Variants in KCNJ6 observed in about 807,000 individuals in gnomAD.
KCNJ6 encodes G protein-activated inward rectifier potassium channel 2.
KCNJ6 carries 9 observed loss-of-function variants against 34.2 expected under a neutral mutation model. The ratio of observed to expected loss-of-function variants is 0.26; its 90% CI spans 0.16 to 0.46. The LOEUF (loss-of-function observed/expected upper bound fraction) is 0.46, where lower values mean the gene tolerates loss of function less well. Ranked by LOEUF, KCNJ6 falls within the 20% of genes least tolerant of loss-of-function variation. KCNJ6 has a pLI of 1.00. For missense variants in KCNJ6, 236 were observed against 531.3 expected (o/e 0.44, Z 5.46); for synonymous variants, 196 against 207.1 (o/e 0.95, Z 0.46).
chr21:37,616,997 TTC>T lies in KCNJ6; in HGVS notation c.*8160_*8161del, dbSNP rs1367426687. 8.2e-6 allele frequency: 1 copy of T among 121,692 alleles called. No individual in the cohort carries two copies. The highest frequency in any genetic ancestry group is 2.9e-4 in the South Asian group (1 of 3,442). The allele number at this position is 121,692 out of a possible 1,614,324, so 7.5% of individuals were successfully genotyped here. On this transcript the variant is annotated 3_prime_UTR_variant, in exon 4 of 4. Coordinates refer to ENST00000609713, the MANE Select transcript of KCNJ6 (RefSeq NM_002240.5). ...TGCGATTTCTTTTCTCTTTCTTTCT[TTC>T]TCTTTCTTTTCTCTTTCTTTCTTTC... is the stretch of plus-strand genomic sequence containing the variant.
At chr21:37,773,874 G>A (rs888077001) in intron 2 of KCNJ6, among the ~76,000 whole-genome samples, 1 of 152,188 alleles carries the variant, frequency 6.6e-6, no homozygotes, top group East Asian at 1.9e-4. Flanking sequence ...CCAGGTGCAC[G>A]GCCAGTCCCC....
intron 2 of KCNJ6, among the ~76,000 whole-genome samples, chr21:37,838,322 T>G (rs943928168): frequency 2.6e-5 from 4 of 152,212 alleles, no homozygotes; most frequent in Non-Finnish European, 5.9e-5. Flanking sequence ...TAAAAATAGC[T>G]TTATCAGAAA....
At chr21:37,809,513 C>G (rs1366536365) in intron 2 of KCNJ6, among the ~76,000 whole-genome samples, 2 of 151,746 alleles carry the variant, frequency 1.3e-5, no homozygotes, top group African/African-American at 2.4e-5. Context: ...TACCCTAAAA[C>G]TTAAAGTATA....
Position 37,620,605 on chromosome 21 carries a change from A to C in KCNJ6, c.*4554T>G, listed in dbSNP as rs1307966150. On this transcript the variant is annotated 3_prime_UTR_variant, in exon 4 of 4. Coordinates refer to ENST00000609713, the MANE Select transcript of KCNJ6 (RefSeq NM_002240.5). ...TTGTAGTAAAAATAGCCCACAGCTT[A>C]GGGCCCTGTGACCTGGATTTGAGAC... 1 of 151,888 alleles carries C rather than the reference A, an allele frequency of 6.6e-6. No individual in the cohort carries two copies. The highest frequency in any genetic ancestry group is 1.5e-5 in the Non-Finnish European group (1 of 67,988). 9.4% of individuals were successfully genotyped at this position (151,888 alleles called of 1,614,324 possible).
intron 3 of KCNJ6, among the ~76,000 whole-genome samples, chr21:37,639,957 A>G (rs1289295786): frequency 6.6e-6 from 1 of 152,198 alleles, no homozygotes; most frequent in African/African-American, 2.4e-5. Flanking sequence ...TGATGCTATC[A>G]TGCTTCCTGT....
intron 1 of KCNJ6, among the ~76,000 whole-genome samples, chr21:37,876,769 C>A (rs527727141): frequency 6.6e-6 from 1 of 152,092 alleles, no homozygotes; most frequent in African/African-American, 2.4e-5. Flanking sequence ...AACAATTGGA[C>A]AAGTTGGCCA....
intron 1 of KCNJ6, among the ~76,000 whole-genome samples, chr21:37,913,339 C>CGACTG (rs2055875991): frequency 6.6e-6 from 1 of 152,188 alleles, no homozygotes; most frequent in Non-Finnish European, 1.5e-5. Context: ...CGGTTTCCTA[C>CGACTG]GACTGCAACC....
At chr21:37,791,828 G>A (rs1236211894) in intron 2 of KCNJ6, among the ~76,000 whole-genome samples, 2 of 151,966 alleles carry the variant, frequency 1.3e-5, no homozygotes, top group African/African-American at 4.8e-5. Flanking sequence ...ATAGTTTCAG[G>A]GCACATGTGA....
At chr21:37,845,305 T>C (rs545115821) in intron 1 of KCNJ6, among the ~76,000 whole-genome samples, 1 of 152,338 alleles carries the variant, frequency 6.6e-6, no homozygotes, top group African/African-American at 2.4e-5. Flanking sequence ...ATCATACTTG[T>C]TGGGAGAAAA....
chr21:37,807,601 C>T (rs763001686), intron 2 of KCNJ6, among the ~76,000 whole-genome samples: 6 of 152,190 alleles, frequency 3.9e-5, no homozygotes, highest in Non-Finnish European at 8.8e-5. Flanking sequence ...CAATTTCCTA[C>T]AGTAGTTAGC....
chr21:37,619,458 C>A lies in KCNJ6; in HGVS notation c.*5701G>T, dbSNP rs539070728. On this transcript the variant is annotated 3_prime_UTR_variant, in exon 4 of 4. Coordinates refer to ENST00000609713, the MANE Select transcript of KCNJ6 (RefSeq NM_002240.5). Reference sequence around the variant, plus strand: ...TCTCCCTGAGCTCTTTTCAAAGGACCTTTTGGTTTTCCATAAGAAGCATTT... The same window carrying A: ...TCTCCCTGAGCTCTTTTCAAAGGACATTTTGGTTTTCCATAAGAAGCATTT... 2 of 152,250 alleles carry A rather than the reference C, an allele frequency of 1.3e-5. No homozygotes were observed. The highest frequency in any genetic ancestry group is 4.8e-5 in the African/African-American group (2 of 41,554). 9.4% of individuals were successfully genotyped at this position (152,250 alleles called of 1,614,324 possible).
chr21:37,876,265 C>T (rs1038617225), intron 1 of KCNJ6, among the ~76,000 whole-genome samples: 4 of 152,120 alleles, frequency 2.6e-5, no homozygotes, highest in African/African-American at 9.7e-5. Context: ...GGGACAGACA[C>T]CCATAATATT....
chr21:37,799,497 T>C (rs1273146262), intron 2 of KCNJ6, among the ~76,000 whole-genome samples: 2 of 152,118 alleles, frequency 1.3e-5, no homozygotes, highest in South Asian at 2.1e-4. Flanking sequence ...TTGAGCAAAG[T>C]GAGTCTCCTC....
At chr21:37,773,940 T>C (rs1260987727) in intron 2 of KCNJ6, among the ~76,000 whole-genome samples, 1 of 152,184 alleles carries the variant, frequency 6.6e-6, no homozygotes, top group Non-Finnish European at 1.5e-5. Flanking sequence ...TGACCCCGTA[T>C]TTCCTCTGGG....
chr21:37,854,122 C>T (rs2055552598), intron 1 of KCNJ6, among the ~76,000 whole-genome samples: 1 of 150,960 alleles, frequency 6.6e-6, no homozygotes, highest in African/African-American at 2.4e-5. Context: ...GGTCCAAATA[C>T]ACCAATTAAA....
chr21:37,894,034 C>A (rs1339638983), intron 1 of KCNJ6, among the ~76,000 whole-genome samples: 1 of 152,214 alleles, frequency 6.6e-6, no homozygotes, highest in East Asian at 1.9e-4. Flanking sequence ...AACCCTGTCA[C>A]CCTCCATCAC....
intron 2 of KCNJ6, among the ~76,000 whole-genome samples, chr21:37,795,643 G>A (rs181731487): frequency 7.0e-4 from 106 of 151,708 alleles, no homozygotes; most frequent in Admixed American, 6.0e-3. Context: ...TACTCGGGAG[G>A]CTGAGGCAGG....
chr21:37,792,305 T>C (rs1386002674), intron 2 of KCNJ6, among the ~76,000 whole-genome samples: 3 of 152,196 alleles, frequency 2.0e-5, no homozygotes, highest in Non-Finnish European at 4.4e-5. Context: ...GGATCTCAGT[T>C]CATATGCTGG....
intron 2 of KCNJ6, among the ~76,000 whole-genome samples, chr21:37,785,328 A>C (rs1341650572): frequency 1.3e-5 from 2 of 152,214 alleles, no homozygotes; most frequent in African/African-American, 4.8e-5. Context: ...AACTCATTTA[A>C]AAGAAGATTT....
Sources: gnomAD v4.1 joint callset for allele counts (sites outside exome capture counted in the v4.1 genomes callset) on GRCh38, gnomAD v4.1.1 for gene constraint, MANE v1.5 for transcripts, NCBI Gene and HGNC (gene_info 2026-07-23, HGNC 2026-07-21) for gene names.